The following CDK6 variants were observed in gnomAD, a reference collection of about 807,000 sequenced individuals.
CDK6 encodes the protein cyclin dependent kinase 6.
Under a neutral mutation model 37.1 loss-of-function variants are expected in CDK6, and 6 were observed. The ratio of observed to expected loss-of-function variants is 0.16; its 90% CI spans 0.09 to 0.32. The LOEUF is 0.32. CDK6 is among the 10% of genes least tolerant of loss of function. CDK6 has a pLI of 1.00. For missense variants in CDK6, 224 were observed against 418.9 expected (o/e 0.53, Z 4.06); for synonymous variants, 160 against 161.3 (o/e 0.99, Z 0.06).
rs536784041 is a variant in CDK6, at chr7:92,725,090, G to T, written c.537+536C>A. The T allele has an allele frequency of 3.2e-5, 32 of 985,360 alleles. No homozygotes were observed. In the South Asian group the frequency reaches 1.3e-3, roughly 39 times the overall value. 61.0% of individuals were successfully genotyped at this position (985,360 alleles called of 1,614,324 possible). On this transcript the variant is annotated intron_variant, in intron 4 of 7. Coordinates refer to ENST00000424848, the MANE Select transcript of CDK6 (RefSeq NM_001145306.2). ...GTTGGGTTCGCTCTTTCTATTCAGG[G>T]TTATATGAGCCTTCACCTGGCATGG...
At chr7:92,659,391 C>T (rs1368285887) in intron 5 of CDK6, among the ~76,000 whole-genome samples, 2 of 152,112 alleles carry the variant, frequency 1.3e-5, no homozygotes, top group Non-Finnish European at 2.9e-5. Context: ...GAAATGATAA[C>T]ATTTTGGATG....
At chr7:92,746,072 G>A (rs1167318220) in intron 3 of CDK6, among the ~76,000 whole-genome samples, 1 of 152,074 alleles carries the variant, frequency 6.6e-6, no homozygotes, top group Non-Finnish European at 1.5e-5. Context: ...ACTCAACACT[G>A]TGCCTTAAAG....
rs1197069922 is a variant in CDK6, at chr7:92,664,066, G to A, written c.647+7360C>T. Among the ~76,000 whole-genome samples, 9 of 151,560 alleles carry A rather than the reference G, an allele frequency of 5.9e-5. 1 individual carries two copies. The Middle Eastern group carries it at 0.01, about 172-fold the overall frequency. ...TGAGGCAGGAGAATGGTGTGAACCC[G>A]GGAGGCGGAACTTGCAGTGAGCCAA... On this transcript the variant is annotated intron_variant, in intron 5 of 7. Transcript: ENST00000424848.
rs1303648594 is a variant in CDK6, at chr7:92,833,604, C to T, written c.-281G>A. 2.0e-5 allele frequency: 11 copies of T among 538,280 alleles called. No individual in the cohort carries two copies. In the South Asian group the frequency reaches 2.6e-4, roughly 13 times the overall value. 33.3% of individuals were successfully genotyped at this position (538,280 alleles called of 1,614,324 possible). On this transcript the variant is annotated 5_prime_UTR_variant, in exon 2 of 8. Transcript: ENST00000424848. This position sits in a 1 kb window ranked among gnomAD's most constrained non-coding sequence, Gnocchi z 6.1. ...CCGCCGGAGGAGCGAGCCGATCCCT[C>T]CTCTTCCCTCCTCGAAGCGAAGTCC...
intron 2 of CDK6, among the ~76,000 whole-genome samples, chr7:92,782,171 T>C (rs1800008874): frequency 6.6e-6 from 1 of 152,176 alleles, no homozygotes; most frequent in Admixed American, 6.5e-5. Context: ...AGCTTTACTA[T>C]CTAGTTGTGG....
chr7:92,717,665 T>C (rs1202359635), intron 4 of CDK6, among the ~76,000 whole-genome samples: 1 of 152,178 alleles, frequency 6.6e-6, no homozygotes, highest in Non-Finnish European at 1.5e-5. Flanking sequence ...AGCATTACAG[T>C]TGAACTGTTT....
In CDK6 at chr7:92,614,696, TACACACACACACACAC is replaced by T. The variant is rs10552976; in HGVS notation, c.*428_*443del. 9 of 228,618 alleles carry T rather than the reference TACACACACACACACAC, an allele frequency of 3.9e-5. No individual in the cohort carries two copies. The highest frequency in any genetic ancestry group is 1.1e-4 in the African/African-American group (5 of 43,974). The allele number at this position is 228,618 out of a possible 1,614,324, so 14.2% of individuals were successfully genotyped here. A position where few individuals can be genotyped will look rare whatever the true frequency, so the allele number is the denominator to read the frequency against. The stretch of plus-strand genomic sequence containing the variant: ...TTAAAAGATCACAGAATCTCTCACA[TACACACACACACACAC>T]ACACACACACACACACATGCACACA... On this transcript the variant is annotated 3_prime_UTR_variant, in exon 8 of 8. Coordinates refer to ENST00000424848, the MANE Select transcript of CDK6 (RefSeq NM_001145306.2).
intron 3 of CDK6, among the ~76,000 whole-genome samples, chr7:92,764,617 T>A (rs977507969): frequency 6.6e-6 from 1 of 152,212 alleles, no homozygotes; most frequent in Admixed American, 6.5e-5. Context: ...TAGAGGGTGA[T>A]GATGAGGAAG....
At chr7:92,637,699 C>T (rs1010035834) in intron 5 of CDK6, among the ~76,000 whole-genome samples, 3 of 152,124 alleles carry the variant, frequency 2.0e-5, no homozygotes, top group Non-Finnish European at 4.4e-5. Flanking sequence ...TCATTATCCT[C>T]ATTTCAAAGG....
At chr7:92,630,248 T>C (rs1796020922) in intron 5 of CDK6, among the ~76,000 whole-genome samples, 1 of 152,040 alleles carries the variant, frequency 6.6e-6, no homozygotes, top group Non-Finnish European at 1.5e-5. Context: ...TCATTTTATA[T>C]ACTTTTTGAT....
At chr7:92,759,472 A>C (rs944863871) in intron 3 of CDK6, among the ~76,000 whole-genome samples, 1 of 152,060 alleles carries the variant, frequency 6.6e-6, no homozygotes, top group South Asian at 2.1e-4. Flanking sequence ...AATTTTAGCT[A>C]CTATAGAAAT....
intron 2 of CDK6, among the ~76,000 whole-genome samples, chr7:92,826,185 C>T (rs989739058): frequency 6.6e-6 from 1 of 151,962 alleles, no homozygotes; most frequent in Non-Finnish European, 1.5e-5. Context: ...AGGATATAAA[C>T]GAATGTAATC....
At chr7:92,767,150 C>A (rs1014186698) in intron 3 of CDK6, among the ~76,000 whole-genome samples, 14 of 152,134 alleles carry the variant, frequency 9.2e-5, no homozygotes, top group Non-Finnish European at 1.5e-5. Context: ...TTTTAAAAAA[C>A]CTACTAAATA....
Position 92,761,037 on chromosome 7 carries a change from T to C in CDK6, c.369+13659A>G, listed in dbSNP as rs1048489553. ...TCCATATCTAAACTGGGTAATCTCC[T>C]TTTTCTTAGTGGTTTGTAAGAGCTT... On this transcript the variant is annotated intron_variant, in intron 3 of 7. Transcript: ENST00000424848. Among the ~76,000 whole-genome samples the C allele has an allele frequency of 8.5e-5, 13 of 152,206 alleles. No homozygotes were observed. In the East Asian group the frequency reaches 2.3e-3, roughly 27 times the overall value.
rs1019793971 is a variant in CDK6 at position 92,835,598 on chromosome 7, C to T, written c.-368+880G>A. On this transcript the variant is annotated intron_variant, in intron 1 of 7. Coordinates refer to ENST00000424848, the MANE Select transcript of CDK6 (RefSeq NM_001145306.2). The surrounding 1 kb of genome is among the most constrained non-coding windows in gnomAD (Gnocchi z 4.2). ...CCTCCGCGACTACAAAGGCTGCAGC[C>T]GCCTCCTTCTGCTTTCTGTCTCTGC... Among the ~76,000 whole-genome samples, 1 of 152,206 alleles carries T rather than the reference C, an allele frequency of 6.6e-6. No homozygotes were observed. Among genetic ancestry groups the T allele is most frequent in the Non-Finnish European group, 1.5e-5 (1 of 68,038 alleles).
At chr7:92,760,861 T>C (rs1373062301) in intron 3 of CDK6, among the ~76,000 whole-genome samples, 1 of 152,114 alleles carries the variant, frequency 6.6e-6, no homozygotes, top group Admixed American at 6.5e-5. Context: ...GTATTCATTT[T>C]GCTAGATAAA....
At chr7:92,755,491 C>T (rs1284026172) in intron 3 of CDK6, among the ~76,000 whole-genome samples, 2 of 152,060 alleles carry the variant, frequency 1.3e-5, no homozygotes, top group Non-Finnish European at 2.9e-5. Flanking sequence ...TGAAACATGG[C>T]GAGGGGCCCA....
At chr7:92,760,701 G>A (rs1044647290) in intron 3 of CDK6, among the ~76,000 whole-genome samples, 2 of 152,116 alleles carry the variant, frequency 1.3e-5, no homozygotes, top group African/African-American at 2.4e-5. Context: ...TACCCTGACA[G>A]AGATATATAC....
chr7:92,608,281 CA>C lies in CDK6; in HGVS notation c.*6858del, dbSNP rs1371070654. 1 of 232,106 alleles carries C rather than the reference CA, an allele frequency of 4.3e-6. No homozygotes were observed. The highest frequency in any genetic ancestry group is 8.5e-6 in the Non-Finnish European group (1 of 117,516). 14.4% of individuals were successfully genotyped at this position (232,106 alleles called of 1,614,324 possible). ...AGAAAGGGTTATTTGTGTGACCAAA[CA>C]ACTCACACGGAAGATTCCTCTCAAC... On this transcript the variant is annotated 3_prime_UTR_variant, in exon 8 of 8. Coordinates refer to ENST00000424848, the MANE Select transcript of CDK6 (RefSeq NM_001145306.2).
Sources: gnomAD v4.1 joint callset for allele counts (sites outside exome capture counted in the v4.1 genomes callset) on GRCh38, gnomAD v4.1.1 for gene constraint, Gnocchi (gnomAD v3.1) non-coding constraint, MANE v1.5 for transcripts, NCBI Gene and HGNC (gene_info 2026-07-23, HGNC 2026-07-21) for gene names.